The following GALNTL6 variants were observed in gnomAD, a reference collection of about 807,000 sequenced individuals.
GALNTL6 encodes the protein polypeptide N-acetylgalactosaminyltransferase like 6.
A neutral mutation model predicts 73.7 loss-of-function variants in GALNTL6; 46 were observed. That is an observed-to-expected ratio of 0.62 (90% confidence interval 0.49 to 0.80). The LOEUF is 0.80. GALNTL6 is among the 30% of genes least tolerant of loss of function. The pLI is 0.00. For missense variants in GALNTL6, 604 were observed against 755.0 expected, an observed-to-expected ratio of 0.80 and a Z score of 2.34; for synonymous variants, 259 against 263.7, an observed-to-expected ratio of 0.98 and a Z score of 0.17.
intron 3 of GALNTL6, among the ~76,000 whole-genome samples, chr4:172,288,077 G>A (rs1224401583): frequency 6.6e-6 from 1 of 150,484 alleles, no homozygotes; most frequent in Non-Finnish European, 1.5e-5. Flanking sequence ...CTGTAATAAT[G>A]TGGCTTGATA....
At position 172,460,916 on chromosome 4, in the gene GALNTL6, G is replaced by A. The variant is rs148933426; in HGVS notation, c.553+112227G>A. ...CATTCTACTATAAAGATACGTACAC[G>A]TGTATGTTTATTTCAGCACTATTCA... On this transcript the variant is annotated intron_variant, in intron 5 of 12. Coordinates refer to ENST00000506823, the MANE Select transcript of GALNTL6 (RefSeq NM_001034845.3). Among the ~76,000 whole-genome samples the A allele has an allele frequency of 9.7e-4, 148 of 152,144 alleles. 2 individuals are homozygous for A. The highest frequency in any genetic ancestry group is 3.4e-3 in the African/African-American group (141 of 41,518).
At chr4:172,514,302 G>A (rs185396015) in intron 5 of GALNTL6, among the ~76,000 whole-genome samples, 78 of 152,156 alleles carry the variant, frequency 5.1e-4, no homozygotes, top group Non-Finnish European at 9.4e-4. Flanking sequence ...GGCCTATGGA[G>A]TTATGTTCCC....
chr4:172,710,835 A>G (rs1197732296), intron 5 of GALNTL6, among the ~76,000 whole-genome samples: 1 of 152,186 alleles, frequency 6.6e-6, no homozygotes, highest in Non-Finnish European at 1.5e-5. Context: ...AGAAGAAAAA[A>G]CAAGGTAAAA....
At chr4:172,246,750 A>G (rs1737674098) in intron 3 of GALNTL6, among the ~76,000 whole-genome samples, 1 of 150,734 alleles carries the variant, frequency 6.6e-6, no homozygotes, top group South Asian at 2.1e-4. Context: ...TAACATGAGA[A>G]CAAATTCAGA....
At chr4:171,931,280 C>T (rs927189272) in intron 2 of GALNTL6, among the ~76,000 whole-genome samples, 1 of 152,130 alleles carries the variant, frequency 6.6e-6, no homozygotes, top group Non-Finnish European at 1.5e-5. Flanking sequence ...CTCCTGGCCT[C>T]AAGCAATCCT....
intron 2 of GALNTL6, among the ~76,000 whole-genome samples, chr4:172,116,246 A>G (rs1283297855): frequency 2.0e-5 from 3 of 152,174 alleles, no homozygotes; most frequent in Non-Finnish European, 4.4e-5. Flanking sequence ...AATCTCATCA[A>G]TATTTATCAG....
At chr4:172,740,174 G>A (rs1039137885) in intron 5 of GALNTL6, among the ~76,000 whole-genome samples, 3 of 152,016 alleles carry the variant, frequency 2.0e-5, no homozygotes, top group South Asian at 4.2e-4. Flanking sequence ...TTCTCCCCAC[G>A]TGATTTATAC....
intron 5 of GALNTL6, among the ~76,000 whole-genome samples, chr4:172,542,307 G>A (rs751330220): frequency 1.6e-4 from 24 of 152,112 alleles, no homozygotes; most frequent in Non-Finnish European, 3.4e-4. Flanking sequence ...AGGCTTTCCA[G>A]TTGATCGCTG....
At chr4:172,665,116 C>A (rs1281048820) in intron 5 of GALNTL6, among the ~76,000 whole-genome samples, 1 of 152,158 alleles carries the variant, frequency 6.6e-6, no homozygotes, top group East Asian at 1.9e-4. Flanking sequence ...CACGAGCTAA[C>A]CTCCTTCTTA....
At chr4:171,906,951 A>G (rs969254902) in intron 2 of GALNTL6, among the ~76,000 whole-genome samples, 1 of 152,170 alleles carries the variant, frequency 6.6e-6, no homozygotes, top group African/African-American at 2.4e-5. Context: ...ACAACCCTTC[A>G]TGCTAAAAAC....
intron 2 of GALNTL6, among the ~76,000 whole-genome samples, chr4:172,030,011 T>A (rs1056991369): frequency 6.6e-6 from 1 of 152,154 alleles, no homozygotes; most frequent in East Asian, 1.9e-4. Context: ...TCGAACTCAG[T>A]TCACTTTTGC....
chr4:172,479,037 GA>G (rs1162439387), intron 5 of GALNTL6, among the ~76,000 whole-genome samples: 1 of 152,148 alleles, frequency 6.6e-6, no homozygotes, highest in Non-Finnish European at 1.5e-5. Flanking sequence ...TGGATGTGGT[GA>G]AAAAGAATAC....
At chr4:172,987,095 A>G (rs1309832349) in intron 10 of GALNTL6, among the ~76,000 whole-genome samples, 2 of 152,208 alleles carry the variant, frequency 1.3e-5, no homozygotes, top group African/African-American at 4.8e-5. Flanking sequence ...TATTAAAGAC[A>G]AATCATGGTA....
At chr4:172,895,202 G>A (rs1389188894) in intron 8 of GALNTL6, among the ~76,000 whole-genome samples, 1 of 151,228 alleles carries the variant, frequency 6.6e-6, no homozygotes. Flanking sequence ...TGCTATTATG[G>A]ATAAGTAAGA....
At chr4:173,034,703 A>G (rs887070162) in intron 12 of GALNTL6, among the ~76,000 whole-genome samples, 2 of 151,954 alleles carry the variant, frequency 1.3e-5, no homozygotes, top group African/African-American at 2.4e-5. Context: ...ACTCAATTCA[A>G]TGTTCACACT....
At chr4:172,166,506 C>G (rs992060217) in intron 2 of GALNTL6, among the ~76,000 whole-genome samples, 1 of 152,018 alleles carries the variant, frequency 6.6e-6, no homozygotes, top group Non-Finnish European at 1.5e-5. Context: ...AAATAATATT[C>G]TCCTAGCAAT....
At chr4:172,126,224 T>C (rs1363383564) in intron 2 of GALNTL6, among the ~76,000 whole-genome samples, 1 of 152,204 alleles carries the variant, frequency 6.6e-6, no homozygotes, top group African/African-American at 2.4e-5. Context: ...AACAAATGTA[T>C]GCTTACATTT....
At chr4:172,007,083 A>G (rs1740865059) in intron 2 of GALNTL6, among the ~76,000 whole-genome samples, 1 of 152,168 alleles carries the variant, frequency 6.6e-6, no homozygotes, top group Non-Finnish European at 1.5e-5. Context: ...AGATAAATAA[A>G]TTGCCACTGT....
At chr4:171,883,927 G>A (rs147152139) in intron 2 of GALNTL6, among the ~76,000 whole-genome samples, 1,707 of 152,106 alleles carry the variant, frequency 0.011, 27 homozygotes, top group African/African-American at 0.039. Flanking sequence ...GATTACAGGC[G>A]TGAGCCACCG....
Sources: gnomAD v4.1 joint callset for allele counts (sites outside exome capture counted in the v4.1 genomes callset) on GRCh38, gnomAD v4.1.1 for gene constraint, MANE v1.5 for transcripts, NCBI Gene and HGNC (gene_info 2026-07-23, HGNC 2026-07-21) for gene names.